DCDC1: variants seen among roughly 807,000 people sequenced by gnomAD.
DCDC1 encodes doublecortin domain-containing protein 1.
Under a neutral mutation model 178.3 loss-of-function variants are expected in DCDC1, and 200 were observed. That is an observed-to-expected ratio of 1.12 (90% confidence interval 1.00 to 1.26). The LOEUF is 1.26. DCDC1 is among the 50% of genes most tolerant of loss of function. DCDC1 has a pLI of 0.00. For missense variants in DCDC1, 1,983 were observed against 1,749.2 expected (o/e 1.13, Z -2.38); for synonymous variants, 690 against 604.8 (o/e 1.14, Z -2.07).
At chr11:31,051,038 G>C (rs1955209193) in intron 20 of DCDC1, among the ~76,000 whole-genome samples, 1 of 152,124 alleles carries the variant, frequency 6.6e-6, no homozygotes, top group Admixed American at 6.5e-5. Context: ...TAATCAGGGA[G>C]GGACCAGAGA....
At chr11:30,957,402 A>G (rs577252412) in intron 20 of DCDC1, among the ~76,000 whole-genome samples, 22 of 152,276 alleles carry the variant, frequency 1.4e-4, no homozygotes, top group African/African-American at 5.1e-4. Flanking sequence ...TGAAACTCCA[A>G]TGAAACTGCC....
At chr11:31,088,032 C>T (rs1010218264) in intron 17 of DCDC1, among the ~76,000 whole-genome samples, 3 of 152,114 alleles carry the variant, frequency 2.0e-5, no homozygotes, top group Admixed American at 6.6e-5. Context: ...GTTATGTTCT[C>T]GTGATAAATT....
intron 18 of DCDC1, among the ~76,000 whole-genome samples, chr11:31,067,226 A>C (rs564458115): frequency 6.6e-6 from 1 of 152,280 alleles, no homozygotes; most frequent in East Asian, 1.9e-4. Context: ...GGAATATATA[A>C]AGAACTCTTA....
chr11:31,125,145 C>G (rs565673290), intron 11 of DCDC1, among the ~76,000 whole-genome samples: 3 of 151,860 alleles, frequency 2.0e-5, no homozygotes, highest in African/African-American at 7.3e-5. Flanking sequence ...TAAAAAAAGA[C>G]GTACATGTGG....
At chr11:31,276,420 A>C (rs936640325) in intron 7 of DCDC1, among the ~76,000 whole-genome samples, 26 of 152,280 alleles carry the variant, frequency 1.7e-4, no homozygotes, top group African/African-American at 6.3e-4. Flanking sequence ...GCTCAGTAGA[A>C]GAGAACTACC....
Position 31,177,079 on chromosome 11 carries a change from A to G in DCDC1, c.1222-39295T>C, listed in dbSNP as rs545461588. 1.1e-3 allele frequency among the ~76,000 whole-genome samples: 164 copies of G among 152,262 alleles called. 2 individuals are homozygous for G. Among genetic ancestry groups the G allele is most frequent in the African/African-American group, 3.7e-3 (152 of 41,568 alleles). On this transcript the variant is annotated intron_variant, in intron 9 of 38. Coordinates refer to ENST00000684477, the MANE Select transcript of DCDC1 (RefSeq NM_001387274.1). ...AAGGTTTAAAGTCAAAATGGTCAAAAATAATAACAGCTACAATTAATGGCT... is the reference window on the plus strand; with the variant it reads ...AAGGTTTAAAGTCAAAATGGTCAAAGATAATAACAGCTACAATTAATGGCT...
chr11:30,916,948 T>C lies in DCDC1; in HGVS notation c.3374A>G (p.Asp1125Gly). ...PRYAWQETSH[D>G]FDEDDSLPKK... ...TGGAAGACTGTCATCCTCATCAAAG[T>C]CATGTGAAGTTTCCTGCCAGGCATA... Residue 1125 changes from aspartate (D) to glycine (G), a missense_variant, in exon 26 of 39, where the codon GAC (aspartate) becomes GGC (glycine). Physicochemically the swap from Asp to Gly is moderately conservative, Grantham distance 94 (BLOSUM62 -1). Coordinates refer to ENST00000684477, the MANE Select transcript of DCDC1 (RefSeq NM_001387274.1). 1.2e-6 allele frequency: 2 copies of C among 1,610,502 alleles called. No homozygotes were observed. The highest frequency in any genetic ancestry group is 1.7e-6 in the Non-Finnish European group (2 of 1,178,390).
chr11:31,228,471 A>G (rs944455552), intron 9 of DCDC1, among the ~76,000 whole-genome samples: 1 of 152,104 alleles, frequency 6.6e-6, no homozygotes, highest in Non-Finnish European at 1.5e-5. Flanking sequence ...AGAAAGGTCT[A>G]AATCAATTAT....
chr11:31,292,546 T>C (rs1457714166), intron 6 of DCDC1, among the ~76,000 whole-genome samples: 1 of 152,108 alleles, frequency 6.6e-6, no homozygotes, highest in African/African-American at 2.4e-5. Context: ...TCCATTTACA[T>C]GAAATATCAG....
chr11:31,270,599 G>A (rs1945482710), intron 7 of DCDC1, among the ~76,000 whole-genome samples: 1 of 152,118 alleles, frequency 6.6e-6, no homozygotes, highest in South Asian at 2.1e-4. Context: ...AAAGAAACTA[G>A]GCTTTCCCCT....
chr11:31,272,462 A>C (rs1945639905), intron 7 of DCDC1, among the ~76,000 whole-genome samples: 1 of 152,230 alleles, frequency 6.6e-6, no homozygotes, highest in Non-Finnish European at 1.5e-5. Flanking sequence ...CCAAAGTTTC[A>C]TCTGAGACAA....
chr11:31,008,078 T>A (rs1411577657), intron 20 of DCDC1, among the ~76,000 whole-genome samples: 3 of 152,114 alleles, frequency 2.0e-5, no homozygotes, highest in Admixed American at 6.5e-5. Context: ...GATGAACGCA[T>A]CTCCTTTGCA....
intron 17 of DCDC1, among the ~76,000 whole-genome samples, chr11:31,085,446 A>C (rs1428303876): frequency 6.6e-6 from 1 of 151,988 alleles, no homozygotes; most frequent in Non-Finnish European, 1.5e-5. Context: ...ATTACTCTAC[A>C]TTAGTTAGCA....
At chr11:31,032,892 T>C (rs1478265837) in intron 20 of DCDC1, among the ~76,000 whole-genome samples, 1 of 152,144 alleles carries the variant, frequency 6.6e-6, no homozygotes, top group Non-Finnish European at 1.5e-5. Flanking sequence ...AGATCCAACA[T>C]AATCAACTCC....
At chr11:31,222,460 A>T (rs1370578223) in intron 9 of DCDC1, among the ~76,000 whole-genome samples, 1 of 152,176 alleles carries the variant, frequency 6.6e-6, no homozygotes, top group African/African-American at 2.4e-5. Context: ...AAACTCTTCC[A>T]GTCTGTACCT....
intron 7 of DCDC1, among the ~76,000 whole-genome samples, chr11:31,268,758 C>A (rs1463730082): frequency 1.3e-5 from 2 of 152,144 alleles, no homozygotes; most frequent in Non-Finnish European, 2.9e-5. Context: ...ATTGCTGGGT[C>A]AAATGGTAGT....
At chr11:31,029,769 C>T (rs1953496819) in intron 20 of DCDC1, among the ~76,000 whole-genome samples, 1 of 152,044 alleles carries the variant, frequency 6.6e-6, no homozygotes, top group African/African-American at 2.4e-5. Flanking sequence ...ATGAGGCTGA[C>T]ATTCGTGTTA....
intron 32 of DCDC1, among the ~76,000 whole-genome samples, chr11:30,902,528 G>A (rs972802852): frequency 3.9e-5 from 6 of 152,084 alleles, no homozygotes; most frequent in African/African-American, 1.4e-4. Context: ...GTGTGTGTGT[G>A]TGTATATCCA....
intron 4 of DCDC1, among the ~76,000 whole-genome samples, 178 bp from the exon 5 acceptor site, chr11:31,306,566 C>T (rs1023241690): frequency 6.6e-6 from 1 of 151,910 alleles, no homozygotes; most frequent in Non-Finnish European, 1.5e-5. Context: ...AACACTCTCA[C>T]TATTTAAATA....
Sources: allele counts gnomAD v4.1 joint callset (sites outside exome capture counted in the v4.1 genomes callset), GRCh38; gene constraint gnomAD v4.1.1; transcripts MANE v1.5; gene names NCBI Gene and HGNC (gene_info 2026-07-23, HGNC 2026-07-21).